RNF144A: variants seen among roughly 807,000 people sequenced by gnomAD.
The protein encoded by RNF144A is E3 ubiquitin-protein ligase RNF144A.
Under a neutral mutation model 38.7 loss-of-function variants are expected in RNF144A, and 11 were observed. The observed-to-expected ratio is 0.28, with a 90% confidence interval of 0.18 to 0.47. The LOEUF is 0.47. RNF144A is among the 20% of genes least tolerant of loss of function. The pLI is 0.99. For synonymous variants in RNF144A, 149 were observed against 143.9 expected, an observed-to-expected ratio of 1.04 and a Z score of -0.25; for missense variants, 316 against 377.2, an observed-to-expected ratio of 0.84 and a Z score of 1.34.
At chr2:6,978,303 A>C (rs558101242) in intron 2 of RNF144A, among the ~76,000 whole-genome samples, 1 of 152,308 alleles carries the variant, frequency 6.6e-6, no homozygotes, top group Non-Finnish European at 1.5e-5. Flanking sequence ...ATGATGCTCA[A>C]GTGACCAAGG....
intron 1 of RNF144A, among the ~76,000 whole-genome samples, chr2:6,936,491 A>G (rs1346264944): frequency 6.6e-6 from 1 of 152,054 alleles, no homozygotes; most frequent in Non-Finnish European, 1.5e-5. Flanking sequence ...AAGCCTTTTT[A>G]TTGTAGTGAT....
intron 1 of RNF144A, among the ~76,000 whole-genome samples, chr2:6,928,501 A>G (rs537567008): frequency 2.2e-4 from 33 of 152,132 alleles, no homozygotes; most frequent in Non-Finnish European, 2.9e-4. Flanking sequence ...TTCTCTGCAC[A>G]TCCTACATCT....
Position 6,944,545 on chromosome 2 carries a change from C to T in RNF144A, c.-12+3398C>T, listed in dbSNP as rs1046849022. Among the ~76,000 whole-genome samples the T allele has an allele frequency of 8.5e-5, 13 of 152,158 alleles. No homozygotes were observed. The highest frequency in any genetic ancestry group is 2.9e-4 in the African/African-American group (12 of 41,430). On this transcript the variant is annotated intron_variant, in intron 2 of 8. Transcript: ENST00000320892. This position sits in a 1 kb window ranked among gnomAD's most constrained non-coding sequence, Gnocchi z 4.7. ...TTTGAAGTTACCCCTCCCGCTTTCT[C>T]TTCCATTCCTTGGAAGATAAGTGCA...
rs910180937 is a variant in RNF144A, at chr2:7,040,034, G to C, written c.*274G>C. The C allele has an allele frequency of 1.6e-5, 19 of 1,167,502 alleles. No individual in the cohort carries two copies. Among genetic ancestry groups the C allele is most frequent in the Admixed American group, 4.4e-5 (1 of 22,512 alleles). The allele number at this position is 1,167,502 out of a possible 1,614,324, so 72.3% of individuals were successfully genotyped here. ...GGGAGGTGCTGTGAGAAGTGCACCA[G>C]GCAGCTTTCTCTCTGTGGTAGACTA... On this transcript the variant is annotated 3_prime_UTR_variant, in exon 9 of 9. Coordinates refer to ENST00000320892, the MANE Select transcript of RNF144A (RefSeq NM_014746.6).
chr2:6,994,902 C>T (rs1027927117), intron 2 of RNF144A, among the ~76,000 whole-genome samples: 30 of 152,164 alleles, frequency 2.0e-4, no homozygotes, highest in African/African-American at 7.2e-4. Flanking sequence ...CCCTCAGTTG[C>T]TTGAGCTCTG....
At chr2:7,030,041 A>C in intron 7 of RNF144A, 85 bp from the exon 8 acceptor site, 1 of 929,352 alleles carries the variant, frequency 1.1e-6, no homozygotes, top group South Asian at 1.4e-5. Context: ...TGAGCATAGG[A>C]GAAGAAATGC....
At chr2:7,016,467 T>C (rs1022871606) in intron 5 of RNF144A, among the ~76,000 whole-genome samples, 16 of 152,160 alleles carry the variant, frequency 1.1e-4, no homozygotes, top group African/African-American at 3.6e-4. Context: ...AACCTAATAA[T>C]TTTAACTGTT....
chr2:7,001,639 T>TG (rs747252353), intron 3 of RNF144A, among the ~76,000 whole-genome samples: 1 of 152,214 alleles, frequency 6.6e-6, no homozygotes, highest in Non-Finnish European at 1.5e-5. Flanking sequence ...ATTACACCAC[T>TG]GCACTCCAGC....
intron 2 of RNF144A, among the ~76,000 whole-genome samples, chr2:6,964,590 A>G (rs1667535428): frequency 6.6e-6 from 1 of 152,242 alleles, no homozygotes; most frequent in African/African-American, 2.4e-5. Flanking sequence ...ACTATGATAG[A>G]CTGAATTAAG....
intron 1 of RNF144A, among the ~76,000 whole-genome samples, chr2:6,919,621 G>C (rs2103264631): frequency 6.6e-6 from 1 of 152,058 alleles, no homozygotes; most frequent in East Asian, 1.9e-4. Flanking sequence ...GTGCCTTACT[G>C]TGGCTTCCGA....
At chr2:7,011,303 C>A (rs1449936392) in intron 3 of RNF144A, among the ~76,000 whole-genome samples, 1 of 152,138 alleles carries the variant, frequency 6.6e-6, no homozygotes, top group African/African-American at 2.4e-5. Flanking sequence ...TACTAACAAT[C>A]CCTGATATGA....
In RNF144A at chr2:7,020,303, A is replaced by G. The variant is rs577138262; in HGVS notation, c.302-170A>G. 3.3e-5 allele frequency among the ~76,000 whole-genome samples: 5 copies of G among 152,094 alleles called. No homozygotes were observed. In the South Asian group the frequency reaches 1.0e-3, roughly 32 times the overall value. On this transcript the variant is annotated intron_variant, in intron 5 of 8. Coordinates refer to ENST00000320892, the MANE Select transcript of RNF144A (RefSeq NM_014746.6). Reference sequence around the variant, plus strand: ...GAGAAGTTGGGAAGAGCTACAGCGGAGGTGGAGGTGGAAGGGTGGCTTGGG... The same window carrying G: ...GAGAAGTTGGGAAGAGCTACAGCGGGGGTGGAGGTGGAAGGGTGGCTTGGG...
chr2:6,922,213 T>C (rs1664580590), intron 1 of RNF144A, among the ~76,000 whole-genome samples: 1 of 151,908 alleles, frequency 6.6e-6, no homozygotes, highest in Non-Finnish European at 1.5e-5. Flanking sequence ...CTTGCTCCCA[T>C]GTCTTCCGAG....
chr2:7,045,279 G>A (rs1673260273), downstream of RNF144A, among the ~76,000 whole-genome samples: 1 of 152,198 alleles, frequency 6.6e-6, no homozygotes, highest in African/African-American at 2.4e-5. Context: ...TGGGAGGAGT[G>A]AGTTAGGGTC....
intron 3 of RNF144A, among the ~76,000 whole-genome samples, chr2:7,008,456 T>C (rs309314): frequency 0.56 from 84,559 of 151,992 alleles, 24,370 homozygotes; most frequent in Non-Finnish European, 0.64. Flanking sequence ...ACACTGGCCT[T>C]CCTGCCCCGA....
At chr2:7,037,456 T>G (rs1672753707) in intron 8 of RNF144A, among the ~76,000 whole-genome samples, 1 of 152,240 alleles carries the variant, frequency 6.6e-6, no homozygotes. Flanking sequence ...AGGGTAGAGC[T>G]TACTGCATGT....
intron 2 of RNF144A, among the ~76,000 whole-genome samples, chr2:6,952,240 A>G (rs1472877968): frequency 6.6e-6 from 1 of 152,082 alleles, no homozygotes; most frequent in East Asian, 1.9e-4. Context: ...TATACTTCTA[A>G]GAGAAATCTA....
chr2:7,000,986 G>A (rs1380223272), intron 3 of RNF144A, among the ~76,000 whole-genome samples: 1 of 151,926 alleles, frequency 6.6e-6, no homozygotes, highest in Non-Finnish European at 1.5e-5. Context: ...ATATATAACC[G>A]TAGAAAGTTG....
intron 3 of RNF144A, among the ~76,000 whole-genome samples, chr2:6,998,506 C>T (rs1387269539): frequency 2.6e-5 from 4 of 152,198 alleles, no homozygotes; most frequent in African/African-American, 9.7e-5. Flanking sequence ...CTGGCCCATT[C>T]TGTATCCACC....
Sources: allele counts gnomAD v4.1 joint callset (sites outside exome capture counted in the v4.1 genomes callset), GRCh38; gene constraint gnomAD v4.1.1; non-coding constraint Gnocchi (gnomAD v3.1); transcripts MANE v1.5; gene names NCBI Gene and HGNC (gene_info 2026-07-23, HGNC 2026-07-21).